CNTN5: variants seen among roughly 807,000 people sequenced by gnomAD.
CNTN5 encodes contactin-5.
Under a neutral mutation model 129.1 loss-of-function variants are expected in CNTN5, and 77 were observed. The observed-to-expected ratio is 0.60, with a 90% CI of 0.50 to 0.72. CNTN5 has a LOEUF of 0.72. CNTN5 is among the 30% of genes least tolerant of loss of function. The pLI is 0.00. For synonymous variants in CNTN5, 509 were observed against 465.6 expected (o/e 1.09, Z -1.20); for missense variants, 1,478 against 1,328.8 (o/e 1.11, Z -1.75).
chr11:100,271,012 G>C lies in CNTN5; in HGVS notation c.2165-80G>C, dbSNP rs767219853. ...ATGCATTAGCCTTCTGATTCTGTCA[G>C]TAGCATTAATATTCTTGATTGCCAT... On this transcript the variant is annotated intron_variant, in intron 17 of 24. Coordinates refer to ENST00000524871, the MANE Select transcript of CNTN5 (RefSeq NM_014361.4). 261 of 1,148,780 alleles carry C rather than the reference G, an allele frequency of 2.3e-4. 1 individual carries two copies. The highest frequency in any genetic ancestry group is 4.6e-4 in the Middle Eastern group (2 of 4,328). 71.2% of individuals were successfully genotyped at this position (1,148,780 alleles called of 1,614,324 possible).
chr11:100,292,275 C>T (rs75441511), intron 18 of CNTN5, among the ~76,000 whole-genome samples: 1,785 of 152,094 alleles, frequency 0.012, 37 homozygotes, highest in African/African-American at 0.04. Context: ...TGGCGTTTAT[C>T]CACATACTGC....
intron 3 of CNTN5, among the ~76,000 whole-genome samples, chr11:99,587,364 A>T (rs1362711444): frequency 6.6e-6 from 1 of 152,224 alleles, no homozygotes; most frequent in Non-Finnish European, 1.5e-5. Flanking sequence ...ACAATGCACA[A>T]GGTAAACTGA....
At chr11:99,851,724 C>T (rs1222283200) in intron 6 of CNTN5, among the ~76,000 whole-genome samples, 2 of 152,108 alleles carry the variant, frequency 1.3e-5, no homozygotes, top group African/African-American at 4.8e-5. Flanking sequence ...CAGAATATTC[C>T]ATTAGTTTTC....
intron 4 of CNTN5, among the ~76,000 whole-genome samples, chr11:99,841,180 A>G (rs1172145798): frequency 6.6e-6 from 1 of 152,194 alleles, no homozygotes; most frequent in Non-Finnish European, 1.5e-5. Flanking sequence ...GGAGTCACTG[A>G]ATAGGGCTAA....
intron 6 of CNTN5, among the ~76,000 whole-genome samples, chr11:99,912,136 G>A (rs1342967460): frequency 6.6e-6 from 1 of 151,888 alleles, no homozygotes; most frequent in Non-Finnish European, 1.5e-5. Flanking sequence ...TGTCAAGAAG[G>A]AAGGAAGACA....
chr11:99,528,762 AGCC>A (rs1357873700), intron 2 of CNTN5, among the ~76,000 whole-genome samples: 2 of 152,178 alleles, frequency 1.3e-5, no homozygotes, highest in Non-Finnish European at 2.9e-5. Flanking sequence ...AAGAAAGGTC[AGCC>A]AGGTGCCTAT....
chr11:100,000,152 T>TATA (rs1161334713), intron 8 of CNTN5, among the ~76,000 whole-genome samples: 4 of 151,700 alleles, frequency 2.6e-5, no homozygotes, highest in Admixed American at 2.6e-4. Flanking sequence ...AAACTTAAAG[T>TATA]ATAATAATAA....
intron 2 of CNTN5, among the ~76,000 whole-genome samples, chr11:99,514,933 C>G (rs1016680147): frequency 5.3e-5 from 8 of 151,966 alleles, no homozygotes; most frequent in Admixed American, 5.3e-4. Flanking sequence ...TGGGACCTAT[C>G]ATGGTTAAAG....
At chr11:99,323,828 G>T (rs144300146) in intron 1 of CNTN5, among the ~76,000 whole-genome samples, 49 of 151,954 alleles carry the variant, frequency 3.2e-4, no homozygotes, top group Admixed American at 3.0e-3. Flanking sequence ...GCATAAAGCA[G>T]AAATGTAAAA....
intron 1 of CNTN5, among the ~76,000 whole-genome samples, chr11:99,105,728 A>T (rs1866964620): frequency 6.6e-6 from 1 of 152,158 alleles, no homozygotes; most frequent in Admixed American, 6.5e-5. Context: ...CCTAAACCTT[A>T]GATTGAGTCT....
At chr11:99,593,406 T>G (rs1324776311) in intron 3 of CNTN5, among the ~76,000 whole-genome samples, 1 of 152,180 alleles carries the variant, frequency 6.6e-6, no homozygotes, top group Non-Finnish European at 1.5e-5. Context: ...GTTTGATTCT[T>G]TAAGTGATTC....
At chr11:99,333,828 C>A (rs1330526369) in intron 2 of CNTN5, among the ~76,000 whole-genome samples, 1 of 151,998 alleles carries the variant, frequency 6.6e-6, no homozygotes, top group Non-Finnish European at 1.5e-5. Context: ...CTTCAAAACT[C>A]TCCAACAGAG....
intron 9 of CNTN5, among the ~76,000 whole-genome samples, chr11:100,042,115 G>A (rs1028027255): frequency 6.6e-6 from 1 of 152,150 alleles, no homozygotes; most frequent in Non-Finnish European, 1.5e-5. Flanking sequence ...TGCACTCACT[G>A]CCCCTGAAGG....
At chr11:100,094,955 A>G (rs7110017) in intron 13 of CNTN5, among the ~76,000 whole-genome samples, 61,510 of 151,934 alleles carry the variant, frequency 0.4, 13,042 homozygotes, top group East Asian at 0.67. Context: ...CATAGAAATT[A>G]TTATTCATTA....
At chr11:100,323,202 A>G (rs1372830344) in intron 21 of CNTN5, among the ~76,000 whole-genome samples, 1 of 152,204 alleles carries the variant, frequency 6.6e-6, no homozygotes, top group Non-Finnish European at 1.5e-5. Context: ...TAGGTTCTCC[A>G]ATGTTTATCT....
At chr11:100,212,648 G>A (rs1410881412) in intron 15 of CNTN5, among the ~76,000 whole-genome samples, 1 of 152,116 alleles carries the variant, frequency 6.6e-6, no homozygotes, top group Non-Finnish European at 1.5e-5. Context: ...CATGTCCCTT[G>A]TCTAGGTCTC....
At chr11:100,341,525 A>C (rs1363168849) in intron 23 of CNTN5, among the ~76,000 whole-genome samples, 3 of 152,198 alleles carry the variant, frequency 2.0e-5, no homozygotes, top group Non-Finnish European at 4.4e-5. Context: ...TTCTTCCAGG[A>C]GACTAACTTT....
At chr11:99,948,572 A>T (rs1465723282) in intron 7 of CNTN5, among the ~76,000 whole-genome samples, 1 of 152,190 alleles carries the variant, frequency 6.6e-6, no homozygotes, top group Non-Finnish European at 1.5e-5. Flanking sequence ...TCTAGTAAAC[A>T]TTTGAAACCA....
chr11:99,936,135 A>G (rs1950311172), intron 7 of CNTN5, among the ~76,000 whole-genome samples: 1 of 152,220 alleles, frequency 6.6e-6, no homozygotes, highest in Admixed American at 6.5e-5. Context: ...TTCAATGTTT[A>G]TAAGGCACAG....
Sources: gnomAD v4.1 joint callset for allele counts (sites outside exome capture counted in the v4.1 genomes callset) on GRCh38, gnomAD v4.1.1 for gene constraint, MANE v1.5 for transcripts, NCBI Gene and HGNC (gene_info 2026-07-23, HGNC 2026-07-21) for gene names.